SGCD: variants seen among roughly 807,000 people sequenced by gnomAD.
SGCD encodes sarcoglycan delta.
In SGCD, 18 loss-of-function variants were observed where a neutral mutation model predicts 36.6. That is an observed-to-expected ratio of 0.49 (90% CI 0.34 to 0.73). The LOEUF is 0.73. Among genes scored for constraint, SGCD ranks in the 30% least tolerant of loss-of-function variants. The probability of loss-of-function intolerance (pLI) is 0.01; values close to 1 mark genes in which losing one functional copy is unlikely to be tolerated. For synonymous variants in SGCD, 133 were observed against 130.6 expected (o/e 1.02, Z -0.12); for missense variants, 387 against 346.7 (o/e 1.12, Z -0.92).
intron 3 of SGCD, among the ~76,000 whole-genome samples, chr5:156,428,954 C>T (rs947485833): frequency 1.3e-5 from 2 of 151,970 alleles, no homozygotes; most frequent in African/African-American, 4.8e-5. Flanking sequence ...TGTGACTTAG[C>T]ATATGGTCTA....
At chr5:156,076,608 A>G (rs949830672) in intron 1 of SGCD, among the ~76,000 whole-genome samples, 3 of 152,152 alleles carry the variant, frequency 2.0e-5, no homozygotes, top group Non-Finnish European at 4.4e-5. Flanking sequence ...TTGATATCTG[A>G]TATTTCTTAA....
At chr5:156,033,099 G>T (rs1340690798) in intron 1 of SGCD, among the ~76,000 whole-genome samples, 1 of 146,008 alleles carries the variant, frequency 6.8e-6, no homozygotes, top group Non-Finnish European at 1.5e-5. Flanking sequence ...ATTAAAAATA[G>T]AATACTTTAT....
chr5:156,630,370 T>G (rs1762587165), intron 6 of SGCD, among the ~76,000 whole-genome samples: 1 of 152,156 alleles, frequency 6.6e-6, no homozygotes, highest in South Asian at 2.1e-4. Flanking sequence ...AATGGATAGA[T>G]GGACAAGCAG....
chr5:155,784,891 A>T, the SGCD span, among the ~76,000 whole-genome samples: 6 of 151,764 alleles, frequency 4.0e-5, no homozygotes, highest in East Asian at 1.2e-3. Flanking sequence ...ATTTATGAGG[A>T]TTCTCTTTTT....
intron 4 of SGCD, among the ~76,000 whole-genome samples, chr5:156,539,239 C>A (rs554682391): frequency 2.8e-4 from 42 of 152,068 alleles, no homozygotes; most frequent in African/African-American, 9.9e-4. Flanking sequence ...CACACACATA[C>A]ACACAAAATT....
At position 156,056,645 on chromosome 5, in the gene SGCD, TAAA is replaced by T. The variant is rs561328077; in HGVS notation, c.-281-61215_-281-61213del. On this transcript the variant is annotated intron_variant, in intron 1 of 9. Transcript: ENST00000517913. ...GGTCCCCTACCTGCCAAATTATCCTTAAAAAAAAAAAAAAAAAAAACAGTCTCC... is the reference window on the plus strand; with the variant it reads ...GGTCCCCTACCTGCCAAATTATCCTTAAAAAAAAAAAAAAAAACAGTCTCC... Among the ~76,000 whole-genome samples the T allele has an allele frequency of 8.5e-3, 583 of 68,278 alleles. 56 individuals are homozygous for T. Among genetic ancestry groups the T allele is most frequent in the Non-Finnish European group, 0.012 (467 of 38,504 alleles). 44.8% of individuals were successfully genotyped at this position (68,278 alleles called of 152,430 possible). A position where few individuals can be genotyped will look rare whatever the true frequency, so the allele number is the denominator to read the frequency against.
intron 7 of SGCD, among the ~76,000 whole-genome samples, chr5:156,691,206 C>CAAAAAAAAAAAAAAA (rs58947494): frequency 3.2e-4 from 20 of 61,854 alleles, no homozygotes; most frequent in African/African-American, 1.2e-3. Context: ...GACTCTGTCT[C>CAAAAAAAAAAAAAAA]AAAAAAAAAA....
At chr5:156,647,252 T>C (rs946755049) in intron 6 of SGCD, among the ~76,000 whole-genome samples, 1 of 152,174 alleles carries the variant, frequency 6.6e-6, no homozygotes, top group African/African-American at 2.4e-5. Context: ...TCAGCAAGAA[T>C]GCTTTCAAAA....
intron 1 of SGCD, among the ~76,000 whole-genome samples, chr5:155,922,476 A>G (rs570280435): frequency 1.3e-5 from 2 of 152,340 alleles, no homozygotes; most frequent in African/African-American, 2.4e-5. Context: ...AACATGAACT[A>G]TCTCACTGAA....
chr5:155,947,293 T>TTGTG (rs56192140), intron 1 of SGCD, among the ~76,000 whole-genome samples: 116 of 138,966 alleles, frequency 8.3e-4, no homozygotes, highest in Admixed American at 1.4e-3. Context: ...ATAAATACTC[T>TTGTG]TGTGTGTGTG....
chr5:156,128,159 G>C (rs1762225764), intron 3 of SGCD, among the ~76,000 whole-genome samples: 1 of 152,102 alleles, frequency 6.6e-6, no homozygotes, highest in Non-Finnish European at 1.5e-5. Context: ...AAGCAGTGGT[G>C]CTTAATTTGC....
chr5:155,904,097 A>G (rs1756450555), intron 1 of SGCD, among the ~76,000 whole-genome samples: 1 of 152,198 alleles, frequency 6.6e-6, no homozygotes, highest in Admixed American at 6.5e-5. Flanking sequence ...GAAAATAGGC[A>G]TCTTCATATG....
intron 6 of SGCD, among the ~76,000 whole-genome samples, chr5:156,635,489 G>C (rs1762790622): frequency 6.6e-6 from 1 of 152,212 alleles, no homozygotes; most frequent in East Asian, 1.9e-4. Context: ...ATTCCTCAGG[G>C]ATCTAGAACT....
At chr5:156,302,237 C>T (rs1337902730) in intron 3 of SGCD, among the ~76,000 whole-genome samples, 1 of 151,934 alleles carries the variant, frequency 6.6e-6, no homozygotes, top group African/African-American at 2.4e-5. Flanking sequence ...TATACATTTT[C>T]AAGTAGCCTG....
At chr5:156,608,361 C>T (rs527782837) in intron 6 of SGCD, among the ~76,000 whole-genome samples, 2,343 of 152,134 alleles carry the variant, frequency 0.015, 38 homozygotes, top group Non-Finnish European at 0.021. Flanking sequence ...GTTTTGAGTG[C>T]GTTTCTTAAT....
intron 7 of SGCD, among the ~76,000 whole-genome samples, chr5:156,672,749 T>C (rs1227056638): frequency 6.6e-6 from 1 of 152,164 alleles, no homozygotes; most frequent in African/African-American, 2.4e-5. Context: ...AGAGCAGAGG[T>C]AGACAAAGGT....
chr5:155,939,775 A>G (rs942358177), intron 1 of SGCD, among the ~76,000 whole-genome samples: 5 of 151,922 alleles, frequency 3.3e-5, no homozygotes, highest in African/African-American at 7.3e-5. Flanking sequence ...CATGCTGTAT[A>G]CTAATCTATC....
chr5:156,335,188 A>G (rs1768281864), intron 2 of SGCD, among the ~76,000 whole-genome samples: 1 of 152,196 alleles, frequency 6.6e-6, no homozygotes, highest in Non-Finnish European at 1.5e-5. Context: ...AAGCACCTCA[A>G]CTAGTACCTC....
chr5:155,746,669 C>T, the SGCD span, among the ~76,000 whole-genome samples: 4 of 151,936 alleles, frequency 2.6e-5, no homozygotes, highest in African/African-American at 7.3e-5. Flanking sequence ...TAGTTCCTGC[C>T]CCTGTTTGTA....
Sources: allele counts gnomAD v4.1 joint callset (sites outside exome capture counted in the v4.1 genomes callset), GRCh38; gene constraint gnomAD v4.1.1; transcripts MANE v1.5; gene names NCBI Gene and HGNC (gene_info 2026-07-23, HGNC 2026-07-21).